Variants in SIN3A observed in about 807,000 individuals in gnomAD.
SIN3A encodes the protein SIN3 transcription regulator family member A, also known as paired amphipathic helix protein Sin3a.
SIN3A carries 14 observed loss-of-function variants against 146.1 expected under a neutral mutation model. The ratio of observed to expected loss-of-function variants is 0.10; its 90% CI spans 0.06 to 0.15. The LOEUF is 0.15. SIN3A is among the 10% of genes least tolerant of loss of function. The pLI, the probability that SIN3A is intolerant of heterozygous loss-of-function variation, is 1.00. For missense variants in SIN3A, 1,028 were observed against 1,576.0 expected, an observed-to-expected ratio of 0.65 and a Z score of 5.89; for synonymous variants, 572 against 572.0, an observed-to-expected ratio of 1.00 and a Z score of 0.00.
At chr15:75,434,441 G>A (rs1027850590) in intron 1 of SIN3A, among the ~76,000 whole-genome samples, 3 of 152,090 alleles carry the variant, frequency 2.0e-5, no homozygotes, top group Non-Finnish European at 1.5e-5. Context: ...CTTGAGGTCA[G>A]GAGTTCAAGA....
At chr15:75,395,695 T>C (rs1374792319) in intron 13 of SIN3A, among the ~76,000 whole-genome samples, 2 of 151,962 alleles carry the variant, frequency 1.3e-5, no homozygotes, top group East Asian at 1.9e-4. Context: ...GCCCAGGAGT[T>C]AGAGGCCAGC....
upstream of SIN3A, chr15:75,451,846 G>A (rs945861556): frequency 1.3e-5 from 2 of 151,986 alleles, no homozygotes; most frequent in Middle Eastern, 3.4e-3. Context: ...GACTGGTAGG[G>A]GAGGGGGAGC....
At chr15:75,394,561 C>A (rs2073268420) in intron 14 of SIN3A, 119 bp downstream of exon 14, 1 of 714,692 alleles carries the variant, frequency 1.4e-6, no homozygotes, top group Non-Finnish European at 2.2e-6. Context: ...AGCTATCAAG[C>A]AAGAATCAAC....
At chr15:75,438,478 G>GT (rs1355018825) in intron 1 of SIN3A, among the ~76,000 whole-genome samples, 2 of 152,116 alleles carry the variant, frequency 1.3e-5, no homozygotes, top group African/African-American at 4.8e-5. Flanking sequence ...GAGGCCAGGA[G>GT]TTTGAGATGA....
intron 10 of SIN3A, among the ~76,000 whole-genome samples, 162 bp downstream of exon 10, chr15:75,401,690 T>C (rs575767683): frequency 6.6e-6 from 1 of 152,346 alleles, no homozygotes; most frequent in East Asian, 1.9e-4. Flanking sequence ...TTCTCATCTC[T>C]AGAGCTGGAC....
At position 75,370,357 on chromosome 15, in the gene SIN3A, A is replaced by AAC. The variant is rs2072721298; in HGVS notation, c.*1620_*1621dup. On this transcript the variant is annotated 3_prime_UTR_variant, in exon 21 of 21. Coordinates refer to ENST00000394947, the MANE Select transcript of SIN3A (RefSeq NM_001145358.2). The stretch of plus-strand genomic sequence containing the variant: ...ATTTTTAACTAAAAAGCAAACATAA[A>AAC]ACACACAGAACATTGCTGGTTACAA... The AAC allele has an allele frequency of 6.6e-6, 1 of 152,188 alleles. No individual in the cohort carries two copies. 9.4% of individuals were successfully genotyped at this position (152,188 alleles called of 1,614,324 possible). A position where few individuals can be genotyped will look rare whatever the true frequency, so the allele number is the denominator to read the frequency against.
chr15:75,382,049 T>C (rs1595888990), intron 17 of SIN3A, among the ~76,000 whole-genome samples: 2 of 152,350 alleles, frequency 1.3e-5, no homozygotes, highest in Admixed American at 1.3e-4. Flanking sequence ...CAATGCTCTG[T>C]CCATTGGTAA....
chr15:75,380,751 G>A (rs770998392), intron 18 of SIN3A, 28 bp from the exon 19 acceptor site: 12 of 1,553,462 alleles, frequency 7.7e-6, no homozygotes, highest in African/African-American at 2.7e-5. Context: ...AAATACAGGT[G>A]GAAGGAAATC....
upstream of SIN3A, chr15:75,453,687 CAG>C (rs1344008703): frequency 1.3e-5 from 2 of 152,316 alleles, no homozygotes; most frequent in Non-Finnish European, 2.9e-5. Context: ...GCAGCGTCTG[CAG>C]AGTTCTCGAG....
chr15:75,384,674 C>T (rs2073046912), intron 16 of SIN3A, among the ~76,000 whole-genome samples: 1 of 152,086 alleles, frequency 6.6e-6, no homozygotes, highest in Non-Finnish European at 1.5e-5. Context: ...ACTTTCCTAT[C>T]TATTTAAAAT....
At chr15:75,432,545 G>A (rs1023004709) in intron 1 of SIN3A, among the ~76,000 whole-genome samples, 1 of 151,474 alleles carries the variant, frequency 6.6e-6, no homozygotes, top group Non-Finnish European at 1.5e-5. Context: ...AAATTAGCCA[G>A]GTGTGATGGC....
chr15:75,381,487 T>C (rs1348105173), intron 18 of SIN3A, 126 bp downstream of exon 18: 20 of 681,086 alleles, frequency 2.9e-5, no homozygotes, highest in Non-Finnish European at 3.4e-5. Context: ...ACTTTAAGCA[T>C]CCAGGTCCTG....
Position 75,375,650 on chromosome 15 carries a change from G to C in SIN3A, c.3591+15C>G, listed in dbSNP as rs1226995464. On this transcript the variant is annotated intron_variant, in intron 20 of 20. Coordinates refer to ENST00000394947, the MANE Select transcript of SIN3A (RefSeq NM_001145358.2). ...GTGGGAGATGTGTACAGAAATTTCA[G>C]TTACTGGTTCTCACCTGATGAGCCC... 6.2e-7 allele frequency: 1 copy of C among 1,609,842 alleles called. No individual in the cohort carries two copies. The highest frequency in any genetic ancestry group is 8.5e-7 in the Non-Finnish European group (1 of 1,176,108).
intron 19 of SIN3A, among the ~76,000 whole-genome samples, chr15:75,379,099 CTG>C (rs1218163004): frequency 6.6e-6 from 1 of 152,206 alleles, no homozygotes; most frequent in African/African-American, 2.4e-5. Flanking sequence ...CAGGGTTTCA[CTG>C]TGTTAGCCAG....
At chr15:75,449,515 C>G (rs1285575479) in intron 1 of SIN3A, among the ~76,000 whole-genome samples, 1 of 152,184 alleles carries the variant, frequency 6.6e-6, no homozygotes, top group African/African-American at 2.4e-5. Context: ...AAAACCTCAT[C>G]TAATGTGGTT....
At position 75,428,756 on chromosome 15, in the gene SIN3A, G is replaced by T. The variant is rs185246262; in HGVS notation, c.189+1431C>A. 2.0e-3 allele frequency among the ~76,000 whole-genome samples: 305 copies of T among 152,046 alleles called. 3 individuals are homozygous for T. The highest frequency in any genetic ancestry group is 2.8e-3 in the Non-Finnish European group (188 of 68,000). On this transcript the variant is annotated intron_variant, in intron 2 of 20. Coordinates refer to ENST00000394947, the MANE Select transcript of SIN3A (RefSeq NM_001145358.2). ...AGGCAATCCTCATGCTTCCAACTTC[G>T]CCAACTGTTGGGATTATGGGTGCGA...
chr15:75,382,484 A>T (rs1279183050), intron 17 of SIN3A, among the ~76,000 whole-genome samples: 9 of 152,228 alleles, frequency 5.9e-5, no homozygotes, highest in East Asian at 1.9e-4. Context: ...GACGTCTAGG[A>T]TGTTTCCAAC....
intron 4 of SIN3A, among the ~76,000 whole-genome samples, 189 bp from the exon 5 acceptor site, chr15:75,413,234 C>T (rs942555174): frequency 6.6e-6 from 1 of 152,146 alleles, no homozygotes; most frequent in Non-Finnish European, 1.5e-5. Context: ...GATTCTCCTG[C>T]CTCAGCCTCC....
chr15:75,417,962 G>A (rs2073771355), intron 3 of SIN3A, among the ~76,000 whole-genome samples: 1 of 152,092 alleles, frequency 6.6e-6, no homozygotes. Flanking sequence ...TCGAAAAACA[G>A]AGTTCAGGCC....
Sources: allele counts gnomAD v4.1 joint callset (sites outside exome capture counted in the v4.1 genomes callset), GRCh38; gene constraint gnomAD v4.1.1; transcripts MANE v1.5; gene names NCBI Gene and HGNC (gene_info 2026-07-23, HGNC 2026-07-21).